The following CORO7 variants were observed in gnomAD, a reference collection of about 807,000 sequenced individuals.
CORO7 encodes the protein coronin-7.
Under a neutral mutation model 126.6 loss-of-function variants are expected in CORO7, and 107 were observed. The ratio of observed to expected loss-of-function variants is 0.85; its 90% confidence interval spans 0.72 to 0.99. CORO7 has a LOEUF of 0.99. Among genes scored for constraint, CORO7 ranks in the 50% least tolerant of loss-of-function variants. The pLI, the probability that CORO7 is intolerant of heterozygous loss-of-function variation, is 0.00. For synonymous variants in CORO7, 603 were observed against 536.8 expected, an observed-to-expected ratio of 1.12 and a Z score of -1.70; for missense variants, 1,314 against 1,255.8, an observed-to-expected ratio of 1.05 and a Z score of -0.70.
rs1037152553 is a variant in CORO7 at position 4,387,924 on chromosome 16, C to T, written c.785+62G>A. Reference sequence around the variant, plus strand: ...CCTCACTGACAGGCCGGATCAGGTGCCCTCACCTGCGGCGCCTTGGGTCAT... The same window carrying T: ...CCTCACTGACAGGCCGGATCAGGTGTCCTCACCTGCGGCGCCTTGGGTCAT... On this transcript the variant is annotated intron_variant, in intron 9 of 27. Transcript: ENST00000251166. 4.4e-6 allele frequency: 7 copies of T among 1,592,424 alleles called. No individual in the cohort carries two copies. The South Asian group carries it at 5.6e-5, about 13-fold the overall frequency.
chr16:4,395,234 G>T, intron 7 of CORO7, 55 bp downstream of exon 7: 2 of 1,611,868 alleles, frequency 1.2e-6, no homozygotes, highest in East Asian at 2.2e-5. Context: ...AGAACCACTG[G>T]GTCCTCAGCC....
chr16:4,363,999 A>G (rs1052366760), intron 14 of CORO7, among the ~76,000 whole-genome samples: 5 of 152,162 alleles, frequency 3.3e-5, no homozygotes, highest in Admixed American at 3.3e-4. Flanking sequence ...AGCCTGGGCA[A>G]TAAGAGCGAA....
chr16:4,405,608 G>A, intron 5 of CORO7, 41 bp from the exon 6 acceptor site: 1 of 1,599,922 alleles, frequency 6.3e-7, no homozygotes, highest in African/African-American at 1.3e-5. Context: ...GGCAGTGAGG[G>A]CACCAGGGAA....
chr16:4,386,553 G>A (rs376005739), intron 9 of CORO7, among the ~76,000 whole-genome samples: 2 of 152,176 alleles, frequency 1.3e-5, no homozygotes, highest in East Asian at 3.8e-4. Context: ...TCCTAGACGT[G>A]GAGTCTGAAG....
chr16:4,414,764 C>G (rs1054173909), intron 1 of CORO7, among the ~76,000 whole-genome samples: 1 of 152,220 alleles, frequency 6.6e-6, no homozygotes, highest in Admixed American at 6.5e-5. Context: ...TAGGGCCCCT[C>G]AAGTATTCTC....
At position 4,361,414 on chromosome 16, in the gene CORO7, G is replaced by C; in HGVS notation, c.1634C>G (p.Ala545Gly). Residue 545 changes from alanine to glycine, a missense_variant, in exon 17 of 28, where the codon GCA (alanine) becomes GGA (glycine). Coordinates refer to ENST00000251166, the MANE Select transcript of CORO7 (RefSeq NM_024535.5). ...DTALPTLQNG[A>G]AVTDLAWDPF... Reference sequence around the variant, plus strand: ...GTCCCAGGCCAGATCAGTCACAGCTGCCCCATTCTGCAGCGTGGGCAGTGC... The same window carrying C: ...GTCCCAGGCCAGATCAGTCACAGCTCCCCCATTCTGCAGCGTGGGCAGTGC... 1.2e-6 allele frequency: 2 copies of C among 1,611,858 alleles called. No homozygotes were observed. Among genetic ancestry groups the C allele is most frequent in the Non-Finnish European group, 1.7e-6 (2 of 1,179,708 alleles).
chr16:4,384,832 C>CA (rs2055135408), intron 9 of CORO7, among the ~76,000 whole-genome samples: 1 of 152,214 alleles, frequency 6.6e-6, no homozygotes, highest in African/African-American at 2.4e-5. Flanking sequence ...TGGCTGCGGC[C>CA]AGGCCTGCCT....
At chr16:4,413,451 C>A (rs1478863128) in intron 1 of CORO7, 47 bp from the exon 2 acceptor site, 3 of 1,534,068 alleles carry the variant, frequency 2.0e-6, no homozygotes, top group Middle Eastern at 1.7e-4. Flanking sequence ...CAGGGTTCCA[C>A]CTCCATGCAT....
chr16:4,357,514 G>A (rs1277803135), intron 25 of CORO7: 5 of 420,576 alleles, frequency 1.2e-5, no homozygotes, highest in Middle Eastern at 6.2e-4. Flanking sequence ...CGCCCACCAC[G>A]CCAGGCTAAT....
intron 9 of CORO7, among the ~76,000 whole-genome samples, chr16:4,366,745 G>C (rs1338785303): frequency 6.6e-6 from 1 of 151,924 alleles, no homozygotes; most frequent in Non-Finnish European, 1.5e-5. Flanking sequence ...GTCTCACTAT[G>C]CTTCCGAGGC....
At position 4,360,360 on chromosome 16, in the gene CORO7, C is replaced by T. The variant is rs763724198; in HGVS notation, c.2026G>A (p.Gly676Ser). The T allele has an allele frequency of 4.3e-6, 7 of 1,613,642 alleles. No homozygotes were observed. The South Asian group carries it at 7.7e-5, about 18-fold the overall frequency. Residue 676 changes from glycine to serine, a missense_variant, in exon 21 of 28, where the codon GGC (glycine) becomes AGC (serine). Coordinates refer to ENST00000251166, the MANE Select transcript of CORO7 (RefSeq NM_024535.5). Reference protein sequence around the residue: ...PRSGPEPLQEGPGPKGGRGAR... With the variant: ...PRSGPEPLQESPGPKGGRGAR... ...CCGCGTCCTCCCTTGGGCCCTGGGCCTTCCTGTTGAGATACATCGCGTGAC... is the reference window on the plus strand; with the variant it reads ...CCGCGTCCTCCCTTGGGCCCTGGGCTTTCCTGTTGAGATACATCGCGTGAC...
chr16:4,416,465 G>C lies in CORO7; in HGVS notation c.54C>G (p.Arg18=). 1 of 1,574,648 alleles carries C rather than the reference G, an allele frequency of 6.4e-7. No homozygotes were observed. The part of the protein sequence containing the change: ...KFRHTEARPP[R]RESWISDIRA... Reference sequence around the variant, plus strand: ...GTCCTCGGGCCGGACTCACCTCGCGGCGGGGCGGCCGAGCCTCGGTGTGCC... The same window carrying C: ...GTCCTCGGGCCGGACTCACCTCGCGCCGGGGCGGCCGAGCCTCGGTGTGCC... The change falls in exon 1 of 28, where the codon CGC becomes CGG. Residue 18 remains arginine (R), a synonymous_variant. Transcript: ENST00000251166.
intron 9 of CORO7, among the ~76,000 whole-genome samples, chr16:4,376,542 GC>G (rs946049133): frequency 4.6e-5 from 7 of 152,144 alleles, no homozygotes; most frequent in African/African-American, 1.7e-4. Context: ...CACACCGCCT[GC>G]CCCAGAATCA....
At position 4,413,467 on chromosome 16, in the gene CORO7, AAGC is replaced by A; in HGVS notation, c.61-66_61-64del. 5.4e-6 allele frequency: 8 copies of A among 1,470,302 alleles called. No individual in the cohort carries two copies. In the South Asian group the frequency reaches 1.0e-4, roughly 18 times the overall value. The allele number at this position is 1,470,302 out of a possible 1,614,324, so 91.1% of individuals were successfully genotyped here. A position where few individuals can be genotyped will look rare whatever the true frequency, so the allele number is the denominator to read the frequency against. ...AGGGTTCCACCTCCATGCATGCCTAAAGCAAGAGGTGGGGCATAATCTGGGGAA... is the reference window on the plus strand; with the variant it reads ...AGGGTTCCACCTCCATGCATGCCTAAAAGAGGTGGGGCATAATCTGGGGAA... On this transcript the variant is annotated intron_variant, in intron 1 of 27. Coordinates refer to ENST00000251166, the MANE Select transcript of CORO7 (RefSeq NM_024535.5).
At chr16:4,409,531 G>C (rs1160653230) in intron 3 of CORO7, among the ~76,000 whole-genome samples, 1 of 152,242 alleles carries the variant, frequency 6.6e-6, no homozygotes, top group Non-Finnish European at 1.5e-5. Flanking sequence ...TCCTCATAAG[G>C]ATGCAGCAGG....
intron 9 of CORO7, chr16:4,381,910 G>T: frequency 6.2e-7 from 1 of 1,605,848 alleles, no homozygotes; most frequent in South Asian, 1.1e-5. Context: ...GCTTGACTAC[G>T]CCGACTTTGG....
rs2056078107 is a variant in CORO7, at chr16:4,408,186, T to C, written c.298A>G (p.Arg100Gly). 2.5e-6 allele frequency: 4 copies of C among 1,614,138 alleles called. No homozygotes were observed. The highest frequency in any genetic ancestry group is 1.6e-4 in the Middle Eastern group (1 of 6,062). ...DFLLATGSAD[R>G]TVKLWRLPGP... ...TTCCAACTGGCTCCACTCACCGTCC[T>C]GTCAGCCGAGCCTGTGGCCAGGAGG... Residue 100 changes from arginine (R) to glycine (G), a missense_variant, in exon 4 of 28, where the codon AGG (arginine) becomes GGG (glycine). By Grantham distance (125) the Arg-to-Gly change is moderately radical. Coordinates refer to ENST00000251166, the MANE Select transcript of CORO7 (RefSeq NM_024535.5).
At chr16:4,393,897 G>C (rs550538675) in intron 7 of CORO7, among the ~76,000 whole-genome samples, 1 of 152,072 alleles carries the variant, frequency 6.6e-6, no homozygotes, top group Non-Finnish European at 1.5e-5. Flanking sequence ...TCAGGAGTTC[G>C]AGACCAGCCT....
chr16:4,408,695 G>T (rs187114427), intron 3 of CORO7, among the ~76,000 whole-genome samples: 1 of 152,242 alleles, frequency 6.6e-6, no homozygotes, highest in Non-Finnish European at 1.5e-5. Flanking sequence ...GGGCATGGTG[G>T]CTCATGCCTG....
Sources: gnomAD v4.1 joint callset for allele counts (sites outside exome capture counted in the v4.1 genomes callset) on GRCh38, gnomAD v4.1.1 for gene constraint, MANE v1.5 for transcripts, NCBI Gene and HGNC (gene_info 2026-07-23, HGNC 2026-07-21) for gene names.